ZFAND4: variants seen among roughly 807,000 people sequenced by gnomAD.
ZFAND4 encodes zinc finger AN1-type containing 4, also known as AN1-type zinc finger protein 4.
ZFAND4 carries 43 observed loss-of-function variants against 64.4 expected under a neutral mutation model. That is an observed-to-expected ratio of 0.67 (90% CI 0.52 to 0.86). The LOEUF is 0.86. ZFAND4 is among the 40% of genes least tolerant of loss of function. The pLI is 0.00. For missense variants in ZFAND4, 929 were observed against 859.8 expected, an observed-to-expected ratio of 1.08 and a Z score of -1.01; for synonymous variants, 296 against 305.7, an observed-to-expected ratio of 0.97 and a Z score of 0.33.
chr10:45,621,048 A>C (rs1173512934), intron 8 of ZFAND4: 3 of 152,238 alleles, frequency 2.0e-5, no homozygotes, highest in Non-Finnish European at 4.4e-5. Context: ...TATTTTATCT[A>C]ACATCTAACA....
chr10:45,638,907 T>C (rs1346656037), intron 6 of ZFAND4, among the ~76,000 whole-genome samples: 4 of 152,198 alleles, frequency 2.6e-5, no homozygotes, highest in Non-Finnish European at 4.4e-5. Context: ...TTTACGGTAA[T>C]AGATGTAAGA....
At chr10:45,654,953 A>C (rs193042377) in intron 2 of ZFAND4, among the ~76,000 whole-genome samples, 16 of 152,330 alleles carry the variant, frequency 1.1e-4, no homozygotes, top group African/African-American at 3.6e-4. Flanking sequence ...ATCAAGCCAG[A>C]AAGTCAACAA....
Position 45,625,268 on chromosome 10 carries a change from C to T in ZFAND4, c.1873-631G>A, listed in dbSNP as rs570999968. Among the ~76,000 whole-genome samples, 652 of 149,666 alleles carry T rather than the reference C, an allele frequency of 4.4e-3. 4 individuals are homozygous for T. The highest frequency in any genetic ancestry group is 0.014 in the African/African-American group (575 of 40,784). On this transcript the variant is annotated intron_variant, in intron 7 of 9. Transcript: ENST00000344646. Reference sequence around the variant, plus strand: ...CGGGTGGATCACGAGGTCAGGAGATCGAGACCATCCTGGCTAACACGGTGA... The same window carrying T: ...CGGGTGGATCACGAGGTCAGGAGATTGAGACCATCCTGGCTAACACGGTGA...
intron 5 of ZFAND4, among the ~76,000 whole-genome samples, chr10:45,641,320 C>A (rs920181561): frequency 6.6e-6 from 1 of 151,944 alleles, no homozygotes; most frequent in African/African-American, 2.4e-5. Context: ...AGTTTCTATG[C>A]AGATTTACTT....
intron 6 of ZFAND4, among the ~76,000 whole-genome samples, chr10:45,633,332 T>C (rs1001314119): frequency 1.3e-5 from 2 of 151,908 alleles, no homozygotes. Flanking sequence ...TGCTATTAGA[T>C]CCCAAAGAAT....
At chr10:45,635,214 C>CAA (rs76130878) in intron 6 of ZFAND4, among the ~76,000 whole-genome samples, 5 of 68,258 alleles carry the variant, frequency 7.3e-5, no homozygotes, top group African/African-American at 1.7e-4. Context: ...AAAAAAAAAA[C>CAA]AAAAAAAAAA....
At chr10:45,631,393 C>A (rs1021586460) in intron 6 of ZFAND4, among the ~76,000 whole-genome samples, 17 of 149,714 alleles carry the variant, frequency 1.1e-4, no homozygotes, top group African/African-American at 4.2e-4. Flanking sequence ...CATATAAATT[C>A]TAAGAAATAA....
At chr10:45,644,102 C>T (rs1170092917) in intron 5 of ZFAND4, among the ~76,000 whole-genome samples, 3 of 152,308 alleles carry the variant, frequency 2.0e-5, no homozygotes, top group African/African-American at 7.2e-5. Flanking sequence ...CGTTGCTCTA[C>T]ACTGTGATAT....
At chr10:45,670,464 T>C (rs1375574920) in intron 1 of ZFAND4, among the ~76,000 whole-genome samples, 1 of 152,156 alleles carries the variant, frequency 6.6e-6, no homozygotes, top group East Asian at 1.9e-4. Flanking sequence ...GGTCTCAAAC[T>C]CTCAACCTCA....
chr10:45,660,160 CAAAAAAAAAAA>C (rs59673620), intron 2 of ZFAND4, among the ~76,000 whole-genome samples: 1 of 92,554 alleles, frequency 1.1e-5, no homozygotes, highest in Non-Finnish European at 2.2e-5. Flanking sequence ...AGACGCATCT[CAAAAAAAAAAA>C]AAAAAAAGAA....
intron 1 of ZFAND4, among the ~76,000 whole-genome samples, chr10:45,665,125 C>T (rs150714890): frequency 1.3e-5 from 2 of 152,080 alleles, no homozygotes; most frequent in African/African-American, 4.8e-5. Context: ...ACTAGGAGCA[C>T]AAAAATGATC....
chr10:45,624,503 T>C (rs2045655283), intron 8 of ZFAND4, 80 bp downstream of exon 8: 1 of 1,321,444 alleles, frequency 7.6e-7, no homozygotes, highest in Non-Finnish European at 1.1e-6. Flanking sequence ...GTTCTTCCCA[T>C]TTCTCTTTGA....
In ZFAND4 at chr10:45,616,525, C is replaced by T. The variant is rs1206272831; in HGVS notation, c.2095G>A (p.Gly699Ser). The T allele has an allele frequency of 2.5e-6, 4 of 1,614,144 alleles. No homozygotes were observed. The highest frequency in any genetic ancestry group is 1.7e-5 in the Admixed American group (1 of 60,010). ...CASHRYAETH[G>S]CTYDYKSAGR... is the part of the protein sequence containing the mutation. ...GCACTCTTGTAATCATAGGTACAGC[C>T]ATGAGTTTCTGCATAACGATGAGAT... Residue 699 changes from glycine to serine, a missense_variant, in exon 10 of 10, where the codon GGC (glycine) becomes AGC (serine). Physicochemically the swap from Gly to Ser is moderately conservative, Grantham distance 56. Transcript: ENST00000344646.
At chr10:45,625,549 GA>G (rs1191791613) in intron 7 of ZFAND4, among the ~76,000 whole-genome samples, 1 of 150,772 alleles carries the variant, frequency 6.6e-6, no homozygotes, top group Non-Finnish European at 1.5e-5. Flanking sequence ...ACTTGGGATG[GA>G]AAAAAACATT....
chr10:45,655,897 G>C (rs540097110), intron 2 of ZFAND4, among the ~76,000 whole-genome samples: 1 of 152,242 alleles, frequency 6.6e-6, no homozygotes, highest in South Asian at 2.1e-4. Flanking sequence ...AAAAAGCCCA[G>C]GGCCAGATGG....
intron 8 of ZFAND4, among the ~76,000 whole-genome samples, chr10:45,619,085 C>T (rs1308574523): frequency 1.3e-5 from 2 of 151,468 alleles, no homozygotes; most frequent in Non-Finnish European, 2.9e-5. Flanking sequence ...GTCGCCCAGG[C>T]TGTAGTGCAG....
intron 4 of ZFAND4, among the ~76,000 whole-genome samples, chr10:45,649,254 T>C (rs970715814): frequency 6.6e-6 from 1 of 151,914 alleles, no homozygotes; most frequent in Non-Finnish European, 1.5e-5. Flanking sequence ...TGGTTTTATA[T>C]AAAGGCTGAT....
chr10:45,618,197 G>C lies in ZFAND4; in HGVS notation c.1991C>G (p.Thr664Arg). Reference protein sequence around the residue: ...KAPLQTKKKTTNHCFLCGKKT... With the variant: ...KAPLQTKKKTRNHCFLCGKKT... ...CTTTCCACAAAGAAAACAATGATTT[G>C]TTGTTTTCTTCTTTGTCTGAAGAGG... The change falls in exon 9 of 10, where the codon ACA becomes AGA. Residue 664 changes from threonine to arginine, a missense_variant. Thr to Arg is a moderately conservative substitution (Grantham distance 71, BLOSUM62 -1). Coordinates refer to ENST00000344646, the MANE Select transcript of ZFAND4 (RefSeq NM_174890.4). 1 of 1,613,450 alleles carries C rather than the reference G, an allele frequency of 6.2e-7. No individual in the cohort carries two copies. Among genetic ancestry groups the C allele is most frequent in the Non-Finnish European group, 8.5e-7 (1 of 1,179,708 alleles).
In ZFAND4 at chr10:45,663,761, C is replaced by T. The variant is rs2048627328; in HGVS notation, c.-36G>A. Reference sequence around the variant, plus strand: ...TTTCTAGTTCTTCTAAAATATGTCGCAGGCAACTGTATTCCAGTTCTAGGC... The same window carrying T: ...TTTCTAGTTCTTCTAAAATATGTCGTAGGCAACTGTATTCCAGTTCTAGGC... On this transcript the variant is annotated 5_prime_UTR_variant, in exon 2 of 10. Transcript: ENST00000344646. 6.5e-7 allele frequency: 1 copy of T among 1,542,514 alleles called. No individual in the cohort carries two copies. The highest frequency in any genetic ancestry group is 8.7e-7 in the Non-Finnish European group (1 of 1,144,748).
Sources: gnomAD v4.1 joint callset for allele counts (sites outside exome capture counted in the v4.1 genomes callset) on GRCh38, gnomAD v4.1.1 for gene constraint, MANE v1.5 for transcripts, NCBI Gene and HGNC (gene_info 2026-07-23, HGNC 2026-07-21) for gene names.